PTPRM: variants seen among roughly 807,000 people sequenced by gnomAD.
PTPRM encodes the protein receptor-type tyrosine-protein phosphatase mu.
PTPRM carries 47 observed loss-of-function variants against 186.7 expected under a neutral mutation model. The observed-to-expected ratio is 0.25, with a 90% CI of 0.20 to 0.32. The LOEUF is 0.32. PTPRM is among the 10% of genes least tolerant of loss of function. The pLI is 1.00. For missense variants in PTPRM, 1,494 were observed against 1,865.0 expected (o/e 0.80, Z 3.66); for synonymous variants, 668 against 674.9 (o/e 0.99, Z 0.16).
chr18:7,826,313 C>A (rs1423309360), intron 2 of PTPRM, among the ~76,000 whole-genome samples: 2 of 152,196 alleles, frequency 1.3e-5, no homozygotes, highest in African/African-American at 4.8e-5. Context: ...AAATGGTAAG[C>A]CTTGCTTTGG....
At chr18:8,261,975 C>T (rs962515040) in intron 19 of PTPRM, among the ~76,000 whole-genome samples, 28 of 152,176 alleles carry the variant, frequency 1.8e-4, no homozygotes, top group African/African-American at 4.8e-4. Flanking sequence ...GGATAGTGAA[C>T]GTGCCCGTGT....
intron 1 of PTPRM, among the ~76,000 whole-genome samples, chr18:7,591,668 T>C (rs966389591): frequency 6.6e-6 from 1 of 152,264 alleles, no homozygotes; most frequent in Admixed American, 6.5e-5. Context: ...TTTTTAATTC[T>C]AGTTGCTTGT....
intron 1 of PTPRM, among the ~76,000 whole-genome samples, chr18:7,756,692 A>AAT (rs910627688): frequency 8.5e-5 from 13 of 152,104 alleles, no homozygotes; most frequent in Non-Finnish European, 1.6e-4. Flanking sequence ...TACAATATAC[A>AAT]ATATATATAT....
intron 19 of PTPRM, among the ~76,000 whole-genome samples, chr18:8,280,798 A>C (rs2094895123): frequency 1.3e-5 from 2 of 152,130 alleles, no homozygotes; most frequent in South Asian, 4.1e-4. Context: ...CAGTGATTAA[A>C]AGAATCCCGC....
At chr18:8,044,169 A>C (rs370249318) in intron 7 of PTPRM, among the ~76,000 whole-genome samples, 1 of 152,214 alleles carries the variant, frequency 6.6e-6, no homozygotes, top group African/African-American at 2.4e-5. Flanking sequence ...GTTGAGGCCT[A>C]GTCAACAAGA....
intron 20 of PTPRM, among the ~76,000 whole-genome samples, chr18:8,303,267 G>A (rs776453400): frequency 2.0e-5 from 3 of 152,088 alleles, no homozygotes; most frequent in African/African-American, 7.2e-5. Context: ...CTGAGGACAC[G>A]AGGTCCCTTC....
chr18:7,936,126 A>G (rs1029617011), intron 5 of PTPRM, among the ~76,000 whole-genome samples: 4 of 152,202 alleles, frequency 2.6e-5, no homozygotes, highest in African/African-American at 9.6e-5. Context: ...GGGAACAGGT[A>G]GAAGCCCCAC....
chr18:8,282,555 G>C (rs1250216413), intron 19 of PTPRM, among the ~76,000 whole-genome samples: 2 of 152,130 alleles, frequency 1.3e-5, no homozygotes, highest in African/African-American at 4.8e-5. Flanking sequence ...CCAGTTACTA[G>C]GGAGGCTGAG....
intron 23 of PTPRM, among the ~76,000 whole-genome samples, chr18:8,354,264 T>C (rs12954518): frequency 0.28 from 42,115 of 147,996 alleles, 6,547 homozygotes; most frequent in Middle Eastern, 0.51. Flanking sequence ...CAGAACAGAG[T>C]TCTTGGGAGA....
At chr18:7,907,219 G>GT (rs2050030597) in intron 4 of PTPRM, among the ~76,000 whole-genome samples, 1 of 152,194 alleles carries the variant, frequency 6.6e-6, no homozygotes, top group Admixed American at 6.5e-5. Context: ...TGCTAGATCT[G>GT]TTTCTCCCCA....
rs937853102 is a variant in PTPRM at position 8,022,411 on chromosome 18, T to C, written c.1133-47275T>C. The stretch of plus-strand genomic sequence containing the variant: ...CTCCAGGCAGAGAAGGCATGGAAGC[T>C]TGGAAAGCGTTTTCTAAGTCTTTTC... On this transcript the variant is annotated intron_variant, in intron 7 of 32. Coordinates refer to ENST00000580170, the MANE Select transcript of PTPRM (RefSeq NM_001105244.2). 2.0e-5 allele frequency among the ~76,000 whole-genome samples: 3 copies of C among 152,226 alleles called. 1 individual carries two copies. Among genetic ancestry groups the C allele is most frequent in the Admixed American group, 2.0e-4 (3 of 15,278 alleles).
intron 1 of PTPRM, among the ~76,000 whole-genome samples, chr18:7,637,895 A>C (rs2038356828): frequency 6.6e-6 from 1 of 152,250 alleles, no homozygotes; most frequent in Admixed American, 6.5e-5. Context: ...CACTGTTCAA[A>C]AATGTAACTT....
intron 1 of PTPRM, among the ~76,000 whole-genome samples, chr18:7,735,752 A>G (rs2040755716): frequency 2.0e-5 from 3 of 151,984 alleles, no homozygotes; most frequent in African/African-American, 7.3e-5. Flanking sequence ...TTTACCATCT[A>G]TTCTTTCTGA....
At chr18:8,331,235 T>G (rs8090276) in intron 22 of PTPRM, among the ~76,000 whole-genome samples, 24,098 of 152,200 alleles carry the variant, frequency 0.16, 2,436 homozygotes, top group African/African-American at 0.29. Context: ...TTTCTTTCGG[T>G]AGATGGAGTT....
At chr18:7,949,460 G>T in intron 6 of PTPRM, 105 bp downstream of exon 6, 3 of 981,496 alleles carry the variant, frequency 3.1e-6, no homozygotes, top group Non-Finnish European at 4.2e-6. Flanking sequence ...GTCTGTTTCT[G>T]AGCAGTGGTT....
intron 30 of PTPRM, 108 bp from the exon 31 acceptor site, chr18:8,386,964 C>T (rs992512562): frequency 5.6e-5 from 66 of 1,178,598 alleles, no homozygotes; most frequent in Non-Finnish European, 7.8e-5. Context: ...GTAGGCAGGA[C>T]TCGCCTTTAA....
At chr18:7,962,918 A>G (rs2053778438) in intron 7 of PTPRM, among the ~76,000 whole-genome samples, 1 of 152,230 alleles carries the variant, frequency 6.6e-6, no homozygotes, top group Non-Finnish European at 1.5e-5. Context: ...TAATCTAACA[A>G]TGGCTGTTAT....
At chr18:8,031,628 GAGT>G (rs2085982433) in intron 7 of PTPRM, among the ~76,000 whole-genome samples, 1 of 152,194 alleles carries the variant, frequency 6.6e-6, no homozygotes, top group African/African-American at 2.4e-5. Context: ...CAGCACTATA[GAGT>G]CTGACAGGAG....
intron 14 of PTPRM, among the ~76,000 whole-genome samples, chr18:8,173,395 T>C (rs993084065): frequency 2.0e-5 from 3 of 152,240 alleles, no homozygotes; most frequent in Non-Finnish European, 4.4e-5. Flanking sequence ...GCATCTATTT[T>C]GCTGTGTTAG....
Sources: allele counts gnomAD v4.1 joint callset (sites outside exome capture counted in the v4.1 genomes callset), GRCh38; gene constraint gnomAD v4.1.1; transcripts MANE v1.5; gene names NCBI Gene and HGNC (gene_info 2026-07-23, HGNC 2026-07-21).